MACF1: variants seen among roughly 807,000 people sequenced by gnomAD.
MACF1 encodes the protein microtubule-actin cross-linking factor 1.
A neutral mutation model predicts 854.8 loss-of-function variants in MACF1; 193 were observed. That is an observed-to-expected ratio of 0.23 (90% CI 0.20 to 0.25). The LOEUF (loss-of-function observed/expected upper bound fraction) is 0.25, where lower values mean the gene tolerates loss of function less well. Among genes scored for constraint, MACF1 ranks in the 10% least tolerant of loss-of-function variants. The pLI is 1.00. For synonymous variants in MACF1, 3,185 were observed against 3,226.7 expected, an observed-to-expected ratio of 0.99 and a Z score of 0.44; for missense variants, 7,722 against 8,929.1, an observed-to-expected ratio of 0.86 and a Z score of 5.45.
chr1:39,135,815 T>C (rs1643151879), intron 2 of MACF1, among the ~76,000 whole-genome samples: 2 of 152,196 alleles, frequency 1.3e-5, no homozygotes, highest in Middle Eastern at 3.2e-3. Flanking sequence ...TTACAGTTTG[T>C]CTATCTTGCT....
intron 2 of MACF1, among the ~76,000 whole-genome samples, chr1:39,177,739 C>T (rs377331629): frequency 1.3e-5 from 2 of 151,958 alleles, no homozygotes; most frequent in African/African-American, 2.4e-5. Flanking sequence ...AGTTTTGCTC[C>T]GGGCACTATT....
chr1:39,156,391 G>C (rs1287357980), intron 2 of MACF1, among the ~76,000 whole-genome samples: 2 of 152,200 alleles, frequency 1.3e-5, no homozygotes, highest in Non-Finnish European at 2.9e-5. Context: ...AGCCAAGGTG[G>C]GATGATCACT....
intron 2 of MACF1, among the ~76,000 whole-genome samples, chr1:39,119,530 A>G (rs1201343521): frequency 1.3e-5 from 2 of 151,884 alleles, no homozygotes; most frequent in African/African-American, 4.8e-5. Context: ...CATATGATGC[A>G]CTTCATGAAT....
At chr1:39,474,153 C>T (rs1644830104) in intron 97 of MACF1, among the ~76,000 whole-genome samples, 1 of 152,102 alleles carries the variant, frequency 6.6e-6, no homozygotes, top group Non-Finnish European at 1.5e-5. Flanking sequence ...CTTTGGGAGG[C>T]CGAGGCGGGC....
chr1:39,412,260 A>G, intron 58 of MACF1: 1 of 1,614,028 alleles, frequency 6.2e-7, no homozygotes, highest in Middle Eastern at 1.6e-4. Flanking sequence ...ATGTTACCTC[A>G]GGACCTGAAG....
chr1:39,390,032 A>G (rs1008917048), intron 58 of MACF1, among the ~76,000 whole-genome samples: 10 of 152,248 alleles, frequency 6.6e-5, no homozygotes, highest in Non-Finnish European at 8.8e-5. Flanking sequence ...TACATGACCC[A>G]AAAGTGTGGA....
rs185382718 is a variant in MACF1, at chr1:39,439,984, A to T, written c.18447+484A>T. ...TATTACATTTCTTAAATGTAGAAAA[A>T]TAGATGGTAGAAAATAAAAATCAAT... On this transcript the variant is annotated intron_variant, in intron 72 of 100. Coordinates refer to ENST00000564288, the MANE Select transcript of MACF1 (RefSeq NM_001394062.1). Among the ~76,000 whole-genome samples the T allele has an allele frequency of 1.0e-3, 157 of 152,250 alleles. 1 individual carries two copies. The highest frequency in any genetic ancestry group is 3.7e-3 in the African/African-American group (154 of 41,564).
At chr1:39,273,269 TGGGATTACAG>T (rs1187084973) in intron 6 of MACF1, among the ~76,000 whole-genome samples, 3 of 151,022 alleles carry the variant, frequency 2.0e-5, no homozygotes, top group Non-Finnish European at 4.4e-5. Context: ...CCCGAGTAAC[TGGGATTACAG>T]GCGCCCGCCC....
chr1:39,485,431 T>G, intron 100 of MACF1, 107 bp from the exon 101 acceptor site: 208 of 1,276,346 alleles, frequency 1.6e-4, no homozygotes, highest in Non-Finnish European at 2.0e-4. Context: ...AGAAAGGCTG[T>G]GAGATTTGCT....
chr1:39,441,644 T>C (rs932093083), intron 74 of MACF1, among the ~76,000 whole-genome samples: 2 of 152,206 alleles, frequency 1.3e-5, no homozygotes, highest in Non-Finnish European at 2.9e-5. Flanking sequence ...AAGCACAGTT[T>C]GGCACAGTTG....
At chr1:39,196,563 C>T (rs1459916427) in intron 2 of MACF1, among the ~76,000 whole-genome samples, 4 of 152,252 alleles carry the variant, frequency 2.6e-5, no homozygotes, top group South Asian at 2.1e-4. Flanking sequence ...TCAGTCCTAT[C>T]GGTTATGTGC....
chr1:39,266,616 T>C (rs1645235354), intron 6 of MACF1, among the ~76,000 whole-genome samples: 1 of 147,628 alleles, frequency 6.8e-6, no homozygotes, highest in African/African-American at 2.5e-5. Flanking sequence ...TTTTTTTTTT[T>C]TTTCAGGTCT....
At chr1:39,248,237 G>A (rs1454290891) in intron 2 of MACF1, among the ~76,000 whole-genome samples, 3 of 151,918 alleles carry the variant, frequency 2.0e-5, no homozygotes, top group Admixed American at 6.6e-5. Flanking sequence ...CCGTTTCTTC[G>A]AGGAAGTCTT....
chr1:39,397,638 C>G (rs1469872239), intron 58 of MACF1, among the ~76,000 whole-genome samples: 1 of 151,880 alleles, frequency 6.6e-6, no homozygotes, highest in South Asian at 2.1e-4. Context: ...CTTACATTAG[C>G]CTACAGTTAG....
chr1:39,344,742 T>C (rs1300010707), intron 40 of MACF1, among the ~76,000 whole-genome samples: 2 of 152,218 alleles, frequency 1.3e-5, no homozygotes, highest in African/African-American at 2.4e-5. Context: ...GAAGTTCATA[T>C]ACCAGTTTAA....
intron 2 of MACF1, among the ~76,000 whole-genome samples, chr1:39,178,061 C>T (rs1644054637): frequency 6.6e-6 from 1 of 151,554 alleles, no homozygotes; most frequent in Non-Finnish European, 1.5e-5. Flanking sequence ...ATCTTTATTC[C>T]CCATTGTCTT....
At chr1:39,480,500 G>A (rs971109363) in intron 98 of MACF1, among the ~76,000 whole-genome samples, 2 of 152,114 alleles carry the variant, frequency 1.3e-5, no homozygotes, top group Admixed American at 6.6e-5. Flanking sequence ...ATGGTGGTGA[G>A]CACCTATAGT....
intron 47 of MACF1, 32 bp from the exon 48 acceptor site, chr1:39,360,761 C>G: frequency 7.1e-7 from 1 of 1,399,356 alleles, no homozygotes; most frequent in Non-Finnish European, 9.9e-7. Flanking sequence ...AAAATTGTCT[C>G]CACTCTTTCT....
intron 2 of MACF1, among the ~76,000 whole-genome samples, chr1:39,187,979 T>G (rs1404613726): frequency 2.1e-4 from 3 of 14,178 alleles, no homozygotes; most frequent in Non-Finnish European, 6.2e-4. Context: ...TCCCCTCCTC[T>G]CCCCTCCCCT....
Sources: allele counts gnomAD v4.1 joint callset (sites outside exome capture counted in the v4.1 genomes callset), GRCh38; gene constraint gnomAD v4.1.1; transcripts MANE v1.5; gene names NCBI Gene and HGNC (gene_info 2026-07-23, HGNC 2026-07-21).